Variants in ARFIP2 observed in about 807,000 individuals in gnomAD.
ARFIP2 encodes arfaptin-2.
In ARFIP2, 14 loss-of-function variants were observed where a neutral mutation model predicts 39.2. The ratio of observed to expected loss-of-function variants is 0.36; its 90% CI spans 0.24 to 0.56. The LOEUF (loss-of-function observed/expected upper bound fraction) is 0.56, where lower values mean the gene tolerates loss of function less well. Among genes scored for constraint, ARFIP2 ranks in the 20% least tolerant of loss-of-function variants. ARFIP2 has a pLI of 0.85. For synonymous variants in ARFIP2, 167 were observed against 172.4 expected (o/e 0.97, Z 0.24); for missense variants, 305 against 422.5 (o/e 0.72, Z 2.44).
chr11:6,478,281 CG>C lies in ARFIP2; in HGVS notation c.538-84del. 2 of 1,519,526 alleles carry C rather than the reference CG, an allele frequency of 1.3e-6. No homozygotes were observed. Among genetic ancestry groups the C allele is most frequent in the South Asian group, 1.2e-5 (1 of 83,616 alleles). 94.1% of individuals were successfully genotyped at this position (1,519,526 alleles called of 1,614,324 possible). ...TAGAGCCCTTCATTCCCCTCCTCCCCGGGGAGGACACAGCCAGCAAAACTGG... is the reference window on the plus strand; with the variant it reads ...TAGAGCCCTTCATTCCCCTCCTCCCCGGGAGGACACAGCCAGCAAAACTGG... On this transcript the variant is annotated intron_variant, in intron 5 of 7. Coordinates refer to ENST00000396777, the MANE Select transcript of ARFIP2 (RefSeq NM_001376558.2). The surrounding 1 kb of genome is among the most constrained non-coding windows in gnomAD (Gnocchi z 4.8).
chr11:6,479,070 C>G, intron 4 of ARFIP2, 70 bp downstream of exon 4: 2 of 1,583,556 alleles, frequency 1.3e-6, no homozygotes, highest in Non-Finnish European at 1.7e-6. Context: ...TGGGATATTA[C>G]GATCACGAAG....
In ARFIP2 at chr11:6,479,242, T is replaced by C. The variant is rs758308260; in HGVS notation, c.213A>G (p.Pro71=). 5 of 1,614,140 alleles carry C rather than the reference T, an allele frequency of 3.1e-6. No individual in the cohort carries two copies. The highest frequency in any genetic ancestry group is 1.7e-5 in the Admixed American group (1 of 60,030). The change falls in exon 4 of 8, where the codon CCA becomes CCG. Residue 71 remains proline, a synonymous_variant. Coordinates refer to ENST00000396777, the MANE Select transcript of ARFIP2 (RefSeq NM_001376558.2). ...GLIPTGSGRH[P]SHSTTPSGPG... The stretch of plus-strand genomic sequence containing the variant: ...GGCCAGAAGGAGTGGTGCTGTGAGA[T>C]GGATGGCGGCCAGACCCTAAAGGAT...
In ARFIP2 at chr11:6,476,840, G is replaced by A. The variant is rs1447590113; in HGVS notation, c.*273C>T. The A allele has an allele frequency of 5.1e-6, 2 of 395,708 alleles. No homozygotes were observed. The highest frequency in any genetic ancestry group is 8.9e-5 in the East Asian group (2 of 22,376). 24.5% of individuals were successfully genotyped at this position (395,708 alleles called of 1,614,324 possible). A position where few individuals can be genotyped will look rare whatever the true frequency, so the allele number is the denominator to read the frequency against. Reference sequence around the variant, plus strand: ...GAAGAGTGATGCCATTGGCCAGGGAGTGGTTTTGTCATAGCCGTTGGCTGT... The same window carrying A: ...GAAGAGTGATGCCATTGGCCAGGGAATGGTTTTGTCATAGCCGTTGGCTGT... On this transcript the variant is annotated 3_prime_UTR_variant, in exon 8 of 8. Coordinates refer to ENST00000396777, the MANE Select transcript of ARFIP2 (RefSeq NM_001376558.2).
rs1851197987 is a variant in ARFIP2, at chr11:6,477,404, C to A, written c.871-136G>T. Reference sequence around the variant, plus strand: ...CTTTTGGGGTAGGGGCTGAACTCTACCCAGGGAGTCAAAGGAGAAGGGTCA... The same window carrying A: ...CTTTTGGGGTAGGGGCTGAACTCTAACCAGGGAGTCAAAGGAGAAGGGTCA... On this transcript the variant is annotated intron_variant, in intron 7 of 7. Transcript: ENST00000396777. The surrounding 1 kb of genome is among the most constrained non-coding windows in gnomAD (Gnocchi z 4.8). 1 of 1,065,692 alleles carries A rather than the reference C, an allele frequency of 9.4e-7. No homozygotes were observed. Among genetic ancestry groups the A allele is most frequent in the African/African-American group, 1.6e-5 (1 of 62,570 alleles). 66.0% of individuals were successfully genotyped at this position (1,065,692 alleles called of 1,614,324 possible).
Position 6,476,996 on chromosome 11 carries a change from A to C in ARFIP2, c.*117T>G. On this transcript the variant is annotated 3_prime_UTR_variant, in exon 8 of 8. Transcript: ENST00000396777. ...AAAACTGGTGTCAGGCCCCAGCCAG[A>C]AAAAGGAGCCCAAGCCAGAGGGCAA... is the stretch of plus-strand genomic sequence containing the variant. 7.8e-7 allele frequency: 1 copy of C among 1,277,850 alleles called. No homozygotes were observed. The highest frequency in any genetic ancestry group is 2.6e-5 in the East Asian group (1 of 38,520). 79.2% of individuals were successfully genotyped at this position (1,277,850 alleles called of 1,614,324 possible).
At chr11:6,480,293 G>T (rs372424528) in intron 2 of ARFIP2, 30 bp downstream of exon 2, 2 of 1,598,850 alleles carry the variant, frequency 1.3e-6, no homozygotes, top group Non-Finnish European at 1.7e-6. Context: ...TTCCTAAATT[G>T]AAACAATTAG....
chr11:6,481,259 G>A lies in ARFIP2; in HGVS notation c.-71C>T. ...GGGCCGGGCCGCTCTTCCCCTCAGG[G>A]CGCCAGGCCCGGGCCGCGCGGGGAC... On this transcript the variant is annotated 5_prime_UTR_variant, in exon 1 of 8. Transcript: ENST00000396777. 3 of 602,746 alleles carry A rather than the reference G, an allele frequency of 5.0e-6. No individual in the cohort carries two copies. Among genetic ancestry groups the A allele is most frequent in the Admixed American group, 6.1e-5 (2 of 32,844 alleles). 37.3% of individuals were successfully genotyped at this position (602,746 alleles called of 1,614,324 possible). A position where few individuals can be genotyped will look rare whatever the true frequency, so the allele number is the denominator to read the frequency against.
intron 2 of ARFIP2, 56 bp from the exon 3 acceptor site, chr11:6,480,124 TG>T: frequency 6.6e-7 from 1 of 1,512,162 alleles, no homozygotes; most frequent in East Asian, 2.3e-5. Context: ...AGAAGCATTT[TG>T]GAGGTGGGAA....
rs759855509 is a variant in ARFIP2 at position 6,478,143 on chromosome 11, G to A, written c.593C>T (p.Thr198Met). The A allele has an allele frequency of 4.3e-6, 7 of 1,614,018 alleles. No individual in the cohort carries two copies. The highest frequency in any genetic ancestry group is 1.7e-4 in the Middle Eastern group (1 of 6,060). ...AAAGAAGTTCACGGCTCCTAGCAGC[G>A]TTTCCCCATTCTTGCATAGTAGTTT... ...TQKLLCKNGE[T>M]LLGAVNFFVS... The change falls in exon 6 of 8, where the codon ACG becomes ATG. Residue 198 changes from threonine to methionine, a missense_variant. Thr to Met is a moderately conservative substitution (Grantham distance 81, BLOSUM62 -1). Around this residue, in one of 3 missense-constraint regions of ARFIP2, gnomAD observed 42 missense variants for 101.2 expected, o/e 0.42. Coordinates refer to ENST00000396777, the MANE Select transcript of ARFIP2 (RefSeq NM_001376558.2). This position sits in a 1 kb window ranked among gnomAD's most constrained non-coding sequence, Gnocchi z 4.8.
chr11:6,478,939 T>C lies in ARFIP2; in HGVS notation c.336A>G (p.Ser112=). The C allele has an allele frequency of 6.2e-7, 1 of 1,614,206 alleles. No individual in the cohort carries two copies. The highest frequency in any genetic ancestry group is 2.2e-5 in the East Asian group (1 of 44,878). ...NTYKCTKQLL[S]ERFGRGSRTV... ...TCCGTGAGCCTCGACCAAATCGTTC[T>C]GATAACAGTTGCTTTGTGCACTGAT... The change falls in exon 5 of 8, where the codon TCA becomes TCG. Residue 112 remains serine (S), a synonymous_variant. Coordinates refer to ENST00000396777, the MANE Select transcript of ARFIP2 (RefSeq NM_001376558.2). The surrounding 1 kb of genome is among the most constrained non-coding windows in gnomAD (Gnocchi z 4.8).
intron 1 of ARFIP2, chr11:6,480,791 G>T (rs1490591698): frequency 9.9e-6 from 2 of 201,808 alleles, no homozygotes; most frequent in Non-Finnish European, 2.0e-5. Flanking sequence ...GGGAAAGTCT[G>T]CTCTCTTAGA....
chr11:6,480,497 G>A, intron 1 of ARFIP2, 34 bp from the exon 2 acceptor site: 2 of 1,157,838 alleles, frequency 1.7e-6, no homozygotes, highest in Non-Finnish European at 2.4e-6. Context: ...CTGGACACTG[G>A]CCAGCACTCT....
At position 6,477,939 on chromosome 11, in the gene ARFIP2, C is replaced by T. The variant is rs775250695; in HGVS notation, c.696-47G>A. On this transcript the variant is annotated intron_variant, in intron 6 of 7. Coordinates refer to ENST00000396777, the MANE Select transcript of ARFIP2 (RefSeq NM_001376558.2). This position sits in a 1 kb window ranked among gnomAD's most constrained non-coding sequence, Gnocchi z 4.8. The stretch of plus-strand genomic sequence containing the variant: ...CTGGTCTCCACTCCTTTATCCTCAA[C>T]ACATACTCTCCTTTCCTTCCTGAAT... 14 of 1,607,792 alleles carry T rather than the reference C, an allele frequency of 8.7e-6. No homozygotes were observed. Among genetic ancestry groups the T allele is most frequent in the Non-Finnish European group, 1.2e-5 (14 of 1,175,638 alleles).
rs1330630858 is a variant in ARFIP2, at chr11:6,478,836, C to A, written c.439G>T (p.Gly147Cys). The change falls in exon 5 of 8, where the codon GGC (glycine) becomes TGC (cysteine). Residue 147 changes from glycine (G) to cysteine (C), a missense_variant. Around this residue, in one of 3 missense-constraint regions of ARFIP2, gnomAD observed 151 missense variants for 203.1 expected, o/e 0.74. Coordinates refer to ENST00000396777, the MANE Select transcript of ARFIP2 (RefSeq NM_001376558.2). This position sits in a 1 kb window ranked among gnomAD's most constrained non-coding sequence, Gnocchi z 4.8. Reference protein sequence around the residue: ...KRKYESVLQLGRALTAHLYSL... With the variant: ...KRKYESVLQLCRALTAHLYSL... Reference sequence around the variant, plus strand: ...TAGAGGTGGGCTGTCAGTGCCCGGCCCAGCTGCAGGACACTCTCATACTTG... The same window carrying A: ...TAGAGGTGGGCTGTCAGTGCCCGGCACAGCTGCAGGACACTCTCATACTTG... 4.3e-6 allele frequency: 7 copies of A among 1,614,166 alleles called. No homozygotes were observed. Among genetic ancestry groups the A allele is most frequent in the Non-Finnish European group, 5.9e-6 (7 of 1,180,022 alleles).
rs1589849046 is a variant in ARFIP2, at chr11:6,476,877, A to G, written c.*236T>C. The G allele has an allele frequency of 2.1e-6, 1 of 471,362 alleles. No homozygotes were observed. Among genetic ancestry groups the G allele is most frequent in the Non-Finnish European group, 3.8e-6 (1 of 265,282 alleles). The allele number at this position is 471,362 out of a possible 1,614,324, so 29.2% of individuals were successfully genotyped here. On this transcript the variant is annotated 3_prime_UTR_variant, in exon 8 of 8. Coordinates refer to ENST00000396777, the MANE Select transcript of ARFIP2 (RefSeq NM_001376558.2). ...TAGCCGTTGGCTGTGAAGTGGAAGG[A>G]AAAGATCTGGGAATGAAGCCCTGTG... is the stretch of plus-strand genomic sequence containing the variant.
In ARFIP2 at chr11:6,480,072, TAGGCC is replaced by T; in HGVS notation, c.100-9_100-5del. Reference sequence around the variant, plus strand: ...ACACCATCACCTGCTGGAGGTCCTATAGGCCAGAGAAGAGGGGTTGCTTCAGGAAC... The same window carrying T: ...ACACCATCACCTGCTGGAGGTCCTATAGAGAAGAGGGGTTGCTTCAGGAAC... On this transcript the variant is annotated splice_polypyrimidine_tract_variant and splice_region_variant and intron_variant, in intron 2 of 7. Coordinates refer to ENST00000396777, the MANE Select transcript of ARFIP2 (RefSeq NM_001376558.2). The T allele has an allele frequency of 6.2e-7, 1 of 1,612,860 alleles. No homozygotes were observed. Among genetic ancestry groups the T allele is most frequent in the Non-Finnish European group, 8.5e-7 (1 of 1,179,410 alleles).
Position 6,476,801 on chromosome 11 carries a change from G to A in ARFIP2, c.*312C>T, listed in dbSNP as rs1851115067. The A allele has an allele frequency of 6.5e-6, 2 of 306,686 alleles. No homozygotes were observed. The highest frequency in any genetic ancestry group is 9.3e-5 in the Admixed American group (2 of 21,566). 19.0% of individuals were successfully genotyped at this position (306,686 alleles called of 1,614,324 possible). ...TTCAGGCTCTGTCATTGGTCAGGGA[G>A]CACACCCCAGCCTGAAGAGTGATGC... On this transcript the variant is annotated 3_prime_UTR_variant, in exon 8 of 8. Transcript: ENST00000396777.
chr11:6,479,937 C>T (rs769215903), intron 3 of ARFIP2, 35 bp downstream of exon 3: 11 of 1,595,108 alleles, frequency 6.9e-6, no homozygotes, highest in South Asian at 1.1e-5. Flanking sequence ...CTGTCCCCTC[C>T]TCCACCCAAG....
chr11:6,479,013 C>T (rs890149161), intron 4 of ARFIP2, 54 bp from the exon 5 acceptor site: 2 of 1,593,810 alleles, frequency 1.3e-6, no homozygotes, highest in Non-Finnish European at 1.7e-6. Flanking sequence ...CCCCACACAA[C>T]AGGTATCTAC....
Sources: gnomAD v4.1 joint callset for allele counts on GRCh38, gnomAD v4.1.1 for gene constraint, gnomAD v4.1.1 regional missense constraint, Gnocchi (gnomAD v3.1) non-coding constraint, MANE v1.5 for transcripts, NCBI Gene and HGNC (gene_info 2026-07-23, HGNC 2026-07-21) for gene names.